Variants in IFT80 observed in about 807,000 individuals in gnomAD.
IFT80 encodes the protein intraflagellar transport protein 80 homolog.
IFT80 carries 79 observed loss-of-function variants against 107.9 expected under a neutral mutation model. The observed-to-expected ratio is 0.73, with a 90% confidence interval of 0.61 to 0.88. The LOEUF (loss-of-function observed/expected upper bound fraction) is 0.88, where lower values mean the gene tolerates loss of function less well. Among genes scored for constraint, IFT80 ranks in the 40% least tolerant of loss-of-function variants. The pLI is 0.00. For synonymous variants in IFT80, 299 were observed against 300.9 expected (o/e 0.99, Z 0.07); for missense variants, 797 against 914.2 (o/e 0.87, Z 1.65).
At chr3:160,392,336 T>G (rs924159205) in intron 1 of IFT80, among the ~76,000 whole-genome samples, 1 of 152,232 alleles carries the variant, frequency 6.6e-6, no homozygotes, top group African/African-American at 2.4e-5. Flanking sequence ...ATTCACCATA[T>G]AGTGACAACT....
At chr3:160,322,157 G>T (rs928515007) in intron 8 of IFT80, among the ~76,000 whole-genome samples, 1 of 151,356 alleles carries the variant, frequency 6.6e-6, no homozygotes, top group Admixed American at 6.6e-5. Context: ...TTAGTATTAG[G>T]TATATCTCCT....
intron 8 of IFT80, among the ~76,000 whole-genome samples, chr3:160,331,932 C>T (rs774202153): frequency 6.6e-6 from 1 of 152,316 alleles, no homozygotes; most frequent in East Asian, 1.9e-4. Flanking sequence ...GCTGGGATTA[C>T]AGGCATAAGC....
intron 1 of IFT80, among the ~76,000 whole-genome samples, chr3:160,387,762 T>C (rs2108414235): frequency 6.6e-6 from 1 of 152,184 alleles, no homozygotes; most frequent in East Asian, 1.9e-4. Flanking sequence ...AGATATCAAT[T>C]TGAGGGTTGT....
chr3:160,361,781 G>A (rs1240328039), intron 6 of IFT80, among the ~76,000 whole-genome samples: 2 of 152,096 alleles, frequency 1.3e-5, no homozygotes, highest in Admixed American at 1.3e-4. Context: ...TGACTACTGG[G>A]TACATAACGA....
intron 6 of IFT80, among the ~76,000 whole-genome samples, chr3:160,364,080 T>C (rs1183420513): frequency 1.3e-5 from 2 of 152,046 alleles, no homozygotes; most frequent in South Asian, 2.1e-4. Context: ...ACCTACAGAA[T>C]GGGAGAAAAT....
At position 160,369,289 on chromosome 3, in the gene IFT80, GA is replaced by G. The variant is rs1722074162; in HGVS notation, c.440-3138del. 2.6e-5 allele frequency among the ~76,000 whole-genome samples: 4 copies of G among 151,868 alleles called. No homozygotes were observed. In the South Asian group the frequency reaches 8.3e-4, roughly 32 times the overall value. On this transcript the variant is annotated intron_variant, in intron 5 of 19. Transcript: ENST00000326448. ...TCCTTCAATCAAAATACAAGCAATG[GA>G]AACAAATAAATTATTTATTTATGAT...
At chr3:160,382,249 C>T (rs1712574719) in intron 2 of IFT80, among the ~76,000 whole-genome samples, 1 of 152,118 alleles carries the variant, frequency 6.6e-6, no homozygotes, top group Non-Finnish European at 1.5e-5. Context: ...CACATATTAT[C>T]ATAACAATTC....
intron 10 of IFT80, among the ~76,000 whole-genome samples, chr3:160,305,048 T>C (rs554138074): frequency 6.6e-6 from 1 of 152,310 alleles, no homozygotes; most frequent in African/African-American, 2.4e-5. Context: ...TTTGTTTTTA[T>C]AGGGTAACAT....
In IFT80 at chr3:160,319,966, T is replaced by A. The variant is rs190590517; in HGVS notation, c.778-27A>T. ...TGGGGGAGAAAAAACAAGAAAAAGA[T>A]GGACTTACTGAAAAAAAATTTTTAG... On this transcript the variant is annotated intron_variant, in intron 8 of 19. Coordinates refer to ENST00000326448, the MANE Select transcript of IFT80 (RefSeq NM_020800.3). 23 of 1,596,920 alleles carry A rather than the reference T, an allele frequency of 1.4e-5. No homozygotes were observed. In the East Asian group the frequency reaches 4.9e-4, roughly 34 times the overall value.
At chr3:160,350,243 C>G (rs144349846) in intron 8 of IFT80, among the ~76,000 whole-genome samples, 1 of 151,310 alleles carries the variant, frequency 6.6e-6, no homozygotes, top group Admixed American at 6.6e-5. Flanking sequence ...GGTGAAACCC[C>G]GTATCTACTA....
intron 8 of IFT80, among the ~76,000 whole-genome samples, chr3:160,344,013 G>A (rs1720105204): frequency 1.3e-5 from 2 of 152,130 alleles, no homozygotes; most frequent in Non-Finnish European, 2.9e-5. Context: ...GCTCTTGACA[G>A]ATTTTACCAA....
chr3:160,388,568 TTATTA>T (rs1277266257), intron 1 of IFT80, among the ~76,000 whole-genome samples: 9 of 148,902 alleles, frequency 6.0e-5, no homozygotes, highest in Non-Finnish European at 1.3e-4. Flanking sequence ...ACATATTATA[TTATTA>T]TATATGTAAC....
intron 15 of IFT80, 107 bp downstream of exon 15, chr3:160,280,560 G>T: frequency 1.1e-6 from 1 of 883,924 alleles, no homozygotes; most frequent in South Asian, 1.5e-5. Context: ...CAATAAATCT[G>T]ACTGATGTGT....
intron 9 of IFT80, among the ~76,000 whole-genome samples, chr3:160,308,771 A>G (rs1717014622): frequency 6.6e-6 from 1 of 152,182 alleles, no homozygotes; most frequent in Non-Finnish European, 1.5e-5. Context: ...CATGATCTAA[A>G]TGTTTATGTC....
chr3:160,388,666 G>A (rs1186994972), intron 1 of IFT80, among the ~76,000 whole-genome samples: 2 of 150,464 alleles, frequency 1.3e-5, no homozygotes, highest in Non-Finnish European at 3.0e-5. Context: ...GAGAGAAAAC[G>A]TTAGGTAGCT....
chr3:160,375,586 C>T (rs1446640467), intron 5 of IFT80, among the ~76,000 whole-genome samples: 1 of 151,928 alleles, frequency 6.6e-6, no homozygotes, highest in Non-Finnish European at 1.5e-5. Flanking sequence ...TAAAAAAAAG[C>T]CCTTGAGTAT....
chr3:160,362,995 A>G (rs960604648), intron 6 of IFT80, among the ~76,000 whole-genome samples: 6 of 152,196 alleles, frequency 3.9e-5, no homozygotes, highest in African/African-American at 1.2e-4. Context: ...CCTATTCAAC[A>G]TAGTGTTGGA....
chr3:160,380,257 G>A (rs1026952535), intron 3 of IFT80, among the ~76,000 whole-genome samples: 1 of 151,648 alleles, frequency 6.6e-6, no homozygotes, highest in Non-Finnish European at 1.5e-5. Context: ...GGCTGGTCTC[G>A]AACTCCTGAC....
intron 8 of IFT80, among the ~76,000 whole-genome samples, chr3:160,326,125 C>A (rs1470732062): frequency 6.6e-6 from 1 of 151,860 alleles, no homozygotes; most frequent in Non-Finnish European, 1.5e-5. Flanking sequence ...AACCTGCACA[C>A]GTACCCCTGA....
Sources: gnomAD v4.1 joint callset for allele counts (sites outside exome capture counted in the v4.1 genomes callset) on GRCh38, gnomAD v4.1.1 for gene constraint, MANE v1.5 for transcripts, NCBI Gene and HGNC (gene_info 2026-07-23, HGNC 2026-07-21) for gene names.